Variants in FANCM observed in about 807,000 individuals in gnomAD.
FANCM encodes the protein Fanconi anemia group M protein.
In FANCM, 140 loss-of-function variants were observed where a neutral mutation model predicts 199.5. That is an observed-to-expected ratio of 0.70 (90% CI 0.61 to 0.81). The LOEUF is 0.81. FANCM is among the 30% of genes least tolerant of loss of function. The pLI is 0.00. For synonymous variants in FANCM, 840 were observed against 836.8 expected, an observed-to-expected ratio of 1.00 and a Z score of -0.07; for missense variants, 2,410 against 2,421.4, an observed-to-expected ratio of 1.00 and a Z score of 0.10.
chr14:45,150,629 C>T (rs903394632), intron 4 of FANCM, among the ~76,000 whole-genome samples: 1 of 152,182 alleles, frequency 6.6e-6, no homozygotes, highest in African/African-American at 2.4e-5. Context: ...ACATGGTAGA[C>T]ATACCTTATC....
intron 11 of FANCM, among the ~76,000 whole-genome samples, chr14:45,169,213 T>G (rs1888179523): frequency 6.6e-6 from 1 of 151,964 alleles, no homozygotes; most frequent in South Asian, 2.1e-4. Flanking sequence ...TGAGCCACTG[T>G]ACCCAGCCAC....
intron 18 of FANCM, among the ~76,000 whole-genome samples, chr14:45,187,526 CAG>C (rs977456870): frequency 1.4e-4 from 22 of 152,082 alleles, no homozygotes; most frequent in African/African-American, 5.3e-4. Context: ...TCCTCATTTT[CAG>C]AGAGATAGAT....
intron 11 of FANCM, chr14:45,167,368 T>C (rs1888059142): frequency 1.8e-6 from 1 of 547,036 alleles, no homozygotes; most frequent in South Asian, 2.2e-5. Context: ...AAACTCAGTG[T>C]TGGGGAAAAT....
intron 3 of FANCM, among the ~76,000 whole-genome samples, chr14:45,146,789 C>T (rs970834122): frequency 5.6e-5 from 8 of 143,632 alleles, no homozygotes; most frequent in East Asian, 4.1e-4. Context: ...GCCGAGATCG[C>T]GCCACTGCAT....
chr14:45,174,106 G>A (rs147735835), intron 13 of FANCM, among the ~76,000 whole-genome samples: 1,781 of 152,196 alleles, frequency 0.012, 13 homozygotes, highest in Non-Finnish European at 0.018. Flanking sequence ...AAAAGCAGAG[G>A]GCCAGGTGCG....
chr14:45,155,703 G>A (rs1283545948), intron 8 of FANCM, among the ~76,000 whole-genome samples: 2 of 152,256 alleles, frequency 1.3e-5, no homozygotes, highest in African/African-American at 2.4e-5. Flanking sequence ...GGAGGCTGAG[G>A]TAGGAGAATC....
intron 7 of FANCM, among the ~76,000 whole-genome samples, chr14:45,155,128 G>A (rs1470457686): frequency 6.6e-6 from 1 of 152,042 alleles, no homozygotes; most frequent in East Asian, 1.9e-4. Context: ...AGTTAGATAT[G>A]TATTTTTGCT....
intron 13 of FANCM, among the ~76,000 whole-genome samples, chr14:45,174,464 A>G (rs923361850): frequency 1.3e-5 from 2 of 152,076 alleles, no homozygotes; most frequent in Admixed American, 6.5e-5. Flanking sequence ...TTAAAGTAGC[A>G]TTCTTAGGGG....
At chr14:45,154,891 C>CATCAAAGGAGCAAAAT in intron 7 of FANCM, 69 bp downstream of exon 7, 1 of 1,280,512 alleles carries the variant, frequency 7.8e-7, no homozygotes, top group Non-Finnish European at 1.1e-6. Flanking sequence ...TGAAATTTTG[C>CATCAAAGGAGCAAAAT]TCCTTTGATG....
In FANCM at chr14:45,189,570, T is replaced by C. The variant is rs923236765; in HGVS notation, c.5340+208T>C. ...TTAGGTTTTAATTTTTTAAATATGTTAATGTTTTGTTAACACTATGTAAGG... is the reference window on the plus strand; with the variant it reads ...TTAGGTTTTAATTTTTTAAATATGTCAATGTTTTGTTAACACTATGTAAGG... On this transcript the variant is annotated intron_variant, in intron 20 of 22. Transcript: ENST00000267430. Among the ~76,000 whole-genome samples the C allele has an allele frequency of 2.6e-5, 4 of 152,214 alleles. No individual in the cohort carries two copies. The East Asian group carries it at 5.8e-4, about 22-fold the overall frequency.
chr14:45,138,448 GAATAT>G (rs879574738), intron 2 of FANCM, among the ~76,000 whole-genome samples: 9 of 152,096 alleles, frequency 5.9e-5, no homozygotes, highest in East Asian at 1.9e-4. Context: ...TTCAGGAAAT[GAATAT>G]AATATATTTT....
intron 21 of FANCM, among the ~76,000 whole-genome samples, chr14:45,196,848 C>T (rs558259425): frequency 1.3e-5 from 2 of 152,218 alleles, no homozygotes; most frequent in Admixed American, 6.5e-5. Context: ...AAGTAGTATT[C>T]GGGAGATGTT....
Position 45,154,828 on chromosome 14 carries a change from G to T in FANCM, c.1309+6G>T, listed in dbSNP as rs756743602. On this transcript the variant is annotated splice_donor_region_variant and intron_variant, in intron 7 of 22. Transcript: ENST00000267430. The stretch of plus-strand genomic sequence containing the variant: ...TATTTCTGCTATCCAACAAGGTCTG[G>T]TTTTTCTTTTAAAATTATGTATTGT... 3 of 1,606,796 alleles carry T rather than the reference G, an allele frequency of 1.9e-6. No individual in the cohort carries two copies. Among genetic ancestry groups the T allele is most frequent in the Non-Finnish European group, 2.6e-6 (3 of 1,175,842 alleles).
At chr14:45,154,425 A>G (rs1285134550) in intron 6 of FANCM, among the ~76,000 whole-genome samples, 1 of 151,684 alleles carries the variant, frequency 6.6e-6, no homozygotes, top group Non-Finnish European at 1.5e-5. Flanking sequence ...AAGACATATT[A>G]AAGAGTTTGG....
At chr14:45,180,854 T>A (rs1889020751) in intron 14 of FANCM, 1 of 154,522 alleles carries the variant, frequency 6.5e-6, no homozygotes, top group Admixed American at 6.4e-5. Context: ...ACACCTTCAT[T>A]TTCATTATAT....
chr14:45,170,083 G>A (rs997971921), intron 11 of FANCM, among the ~76,000 whole-genome samples: 1 of 152,086 alleles, frequency 6.6e-6, no homozygotes, highest in Non-Finnish European at 1.5e-5. Flanking sequence ...CCAGGTCTTA[G>A]GCAACCAAAT....
intron 8 of FANCM, among the ~76,000 whole-genome samples, chr14:45,156,235 C>A (rs756876998): frequency 6.6e-6 from 1 of 152,030 alleles, no homozygotes; most frequent in Non-Finnish European, 1.5e-5. Flanking sequence ...CTTGAGGTGG[C>A]AGTAGGGTGC....
Position 45,173,231 on chromosome 14 carries a change from T to A in FANCM, c.2316+21T>A, listed in dbSNP as rs1264774916. ...AAGAGGTGGGGTTTTATTGTAACTT[T>A]CTCTTGCTGGTATGATAGTAAAACT... is the stretch of plus-strand genomic sequence containing the variant. On this transcript the variant is annotated intron_variant, in intron 13 of 22. Transcript: ENST00000267430. 3 of 1,606,668 alleles carry A rather than the reference T, an allele frequency of 1.9e-6. No homozygotes were observed. The African/African-American group carries it at 4.0e-5, about 21-fold the overall frequency.
rs1470454200 is a variant in FANCM, at chr14:45,159,235, C to G, written c.1536C>G (p.Ala512=). ...IIRVMTFVGH[A]SGKSTKGFTQ... ...GAGTAATGACTTTTGTCGGCCATGC[C>G]TCAGGGAAAAGCACGAAGGGTTTTA... Residue 512 remains alanine, a synonymous_variant, in exon 9 of 23, where the codon GCC becomes GCG. Coordinates refer to ENST00000267430, the MANE Select transcript of FANCM (RefSeq NM_020937.4). The G allele has an allele frequency of 1.2e-6, 2 of 1,613,734 alleles. No individual in the cohort carries two copies. The highest frequency in any genetic ancestry group is 1.7e-6 in the Non-Finnish European group (2 of 1,179,878).
Sources: allele counts gnomAD v4.1 joint callset (sites outside exome capture counted in the v4.1 genomes callset), GRCh38; gene constraint gnomAD v4.1.1; transcripts MANE v1.5; gene names NCBI Gene and HGNC (gene_info 2026-07-23, HGNC 2026-07-21).